The following DACH2 variants were observed in gnomAD, a reference collection of about 807,000 sequenced individuals.
DACH2 encodes dachshund family transcription factor 2.
A neutral mutation model predicts 35.8 loss-of-function variants in DACH2; 17 were observed. The observed-to-expected ratio is 0.48, with a 90% CI of 0.33 to 0.71. The LOEUF (loss-of-function observed/expected upper bound fraction) is 0.71, where lower values mean the gene tolerates loss of function less well. Among genes scored for constraint, DACH2 ranks in the 30% least tolerant of loss-of-function variants. The probability of loss-of-function intolerance (pLI) is 0.02; values close to 1 mark genes in which losing one functional copy is unlikely to be tolerated. For missense variants in DACH2, 469 were observed against 472.7 expected (o/e 0.99, Z 0.07); for synonymous variants, 195 against 177.3 (o/e 1.10, Z -0.79).
In DACH2 at chrX:86,224,160, C is replaced by CT. The variant is rs1214081226; in HGVS notation, c.488+75061dup. On this transcript the variant is annotated intron_variant, in intron 1 of 11. Coordinates refer to ENST00000373125, the MANE Select transcript of DACH2 (RefSeq NM_053281.3). ...GAATTTTCAAGTTTATTCATGTCAG[C>CT]TTTTTTTTTCACTTGGAAACTGAAA... Among the ~76,000 whole-genome samples the CT allele has an allele frequency of 1.3e-4, 14 of 108,917 alleles. No homozygotes were observed. In the South Asian group the frequency reaches 2.3e-3, roughly 18 times the overall value. 94.6% of individuals were successfully genotyped at this position (108,917 alleles called of 115,157 possible). A position where few individuals can be genotyped will look rare whatever the true frequency, so the allele number is the denominator to read the frequency against.
chrX:86,488,717 C>T (rs969139984), intron 2 of DACH2, among the ~76,000 whole-genome samples: 1 of 111,143 alleles, frequency 9.0e-6, no homozygotes, highest in Non-Finnish European at 1.9e-5. Context: ...CCTTGTGCCC[C>T]ATGTGCAATT....
At chrX:86,730,835 T>C (rs1313780023) in intron 6 of DACH2, among the ~76,000 whole-genome samples, 1 of 111,878 alleles carries the variant, frequency 8.9e-6, no homozygotes, top group African/African-American at 3.2e-5. Context: ...TGTATCTACC[T>C]TCTCATTGCT....
At chrX:86,719,758 C>A (rs1279094844) in intron 6 of DACH2, among the ~76,000 whole-genome samples, 1 of 109,347 alleles carries the variant, frequency 9.1e-6, no homozygotes, top group Admixed American at 9.8e-5. Flanking sequence ...TTACCTCTAC[C>A]TGGTCTTTTC....
At chrX:86,520,905 G>A (rs1271837605) in intron 3 of DACH2, among the ~76,000 whole-genome samples, 3 of 111,255 alleles carry the variant, frequency 2.7e-5, no homozygotes, top group African/African-American at 9.8e-5. Flanking sequence ...TTACATTCAA[G>A]GTTAGTATTG....
At chrX:86,313,616 T>G (rs2034841777) in intron 1 of DACH2, among the ~76,000 whole-genome samples, 1 of 112,186 alleles carries the variant, frequency 8.9e-6, no homozygotes, top group Non-Finnish European at 1.9e-5. Context: ...ATTACAGACC[T>G]GCATCCTAGG....
chrX:86,603,237 G>A (rs139242768), intron 3 of DACH2, among the ~76,000 whole-genome samples: 1,308 of 110,439 alleles, frequency 0.012, 20 homozygotes, highest in African/African-American at 0.041. Context: ...TATTGGATTC[G>A]ACCTCACCCT....
chrX:86,425,948 A>G (rs184651872), intron 2 of DACH2, among the ~76,000 whole-genome samples: 99 of 111,343 alleles, frequency 8.9e-4, no homozygotes, highest in African/African-American at 2.9e-3. Flanking sequence ...TGAGACCTGC[A>G]ATGAGCAGGT....
intron 1 of DACH2, among the ~76,000 whole-genome samples, chrX:86,319,773 TATTTG>T (rs1245405106): frequency 8.9e-6 from 1 of 112,517 alleles, no homozygotes; most frequent in African/African-American, 3.2e-5. Flanking sequence ...CTCTTAAAAA[TATTTG>T]ATTTAAGTGC....
intron 1 of DACH2, among the ~76,000 whole-genome samples, chrX:86,369,299 CATTT>C (rs1369457419): frequency 9.0e-6 from 1 of 110,866 alleles, no homozygotes; most frequent in African/African-American, 3.3e-5. Flanking sequence ...TTTCAAAATA[CATTT>C]ATTTATCTTA....
At chrX:86,294,919 C>A (rs1473503177) in intron 1 of DACH2, among the ~76,000 whole-genome samples, 1 of 111,101 alleles carries the variant, frequency 9.0e-6, no homozygotes, top group Non-Finnish European at 1.9e-5. Context: ...CAGAGGCAGG[C>A]AGGCCTCCTT....
chrX:86,235,431 C>T (rs1305770032), intron 1 of DACH2, among the ~76,000 whole-genome samples: 3 of 112,317 alleles, frequency 2.7e-5, no homozygotes, highest in African/African-American at 6.5e-5. Context: ...CGCTTACCTT[C>T]CATCTTCACC....
intron 4 of DACH2, among the ~76,000 whole-genome samples, chrX:86,680,763 C>T (rs1215709088): frequency 9.3e-6 from 1 of 107,685 alleles, no homozygotes; most frequent in Non-Finnish European, 1.9e-5. Flanking sequence ...AAGCTATCCT[C>T]CTGCCTCAGT....
In DACH2 at chrX:86,299,542, C is replaced by T. The variant is rs146524511; in HGVS notation, c.489-77282C>T. 3.8e-3 allele frequency among the ~76,000 whole-genome samples: 422 copies of T among 111,823 alleles called. 1 individual carries two copies. The highest frequency in any genetic ancestry group is 0.018 in the Middle Eastern group (4 of 217). ...AGATATGTGTGTTGAGATATGATTA[C>T]TTAAGGAATATTCAGGACAATGGGG... On this transcript the variant is annotated intron_variant, in intron 1 of 11. Transcript: ENST00000373125.
intron 7 of DACH2, among the ~76,000 whole-genome samples, chrX:86,767,006 CG>C (rs1231731863): frequency 8.9e-6 from 1 of 111,791 alleles, no homozygotes; most frequent in Non-Finnish European, 1.9e-5. Context: ...TCTTTTGCCC[CG>C]TTTTGTAAAA....
chrX:86,383,843 C>T (rs2036084567), intron 2 of DACH2, among the ~76,000 whole-genome samples: 2 of 109,395 alleles, frequency 1.8e-5, no homozygotes, highest in South Asian at 7.7e-4. Context: ...TGAAGGAAGA[C>T]TTAATTACCA....
intron 2 of DACH2, among the ~76,000 whole-genome samples, chrX:86,443,873 T>A (rs1055525512): frequency 6.7e-4 from 75 of 111,696 alleles, no homozygotes; most frequent in African/African-American, 2.4e-3. Flanking sequence ...GACTAATATT[T>A]TTAATGTGCT....
chrX:86,340,928 G>A (rs780559405), intron 1 of DACH2, among the ~76,000 whole-genome samples: 12 of 111,960 alleles, frequency 1.1e-4, no homozygotes, highest in Non-Finnish European at 1.9e-4. Flanking sequence ...GAGATAAGAA[G>A]CTTCAGAAGA....
At chrX:86,742,727 G>T (rs1221775285) in intron 7 of DACH2, 2 of 292,865 alleles carry the variant, frequency 6.8e-6, no homozygotes, top group East Asian at 2.2e-4. Flanking sequence ...GATAATTAAG[G>T]TAAAATGATT....
chrX:86,197,279 A>C (rs896887092), intron 1 of DACH2, among the ~76,000 whole-genome samples: 1 of 111,904 alleles, frequency 8.9e-6, no homozygotes, highest in African/African-American at 3.2e-5. Flanking sequence ...TATAGAAAAG[A>C]AAGACTGTTA....
Sources: gnomAD v4.1 joint callset for allele counts (sites outside exome capture counted in the v4.1 genomes callset) on GRCh38, gnomAD v4.1.1 for gene constraint, MANE v1.5 for transcripts, NCBI Gene and HGNC (gene_info 2026-07-23, HGNC 2026-07-21) for gene names.